SOBP: variants seen among roughly 807,000 people sequenced by gnomAD.
SOBP encodes sine oculis binding protein homolog.
A neutral mutation model predicts 53.6 loss-of-function variants in SOBP; 4 were observed. That is an observed-to-expected ratio of 0.07 (90% CI 0.04 to 0.17). SOBP has a LOEUF of 0.17. Among genes scored for constraint, SOBP ranks in the 10% least tolerant of loss-of-function variants. The probability of loss-of-function intolerance (pLI) is 1.00; values close to 1 mark genes in which losing one functional copy is unlikely to be tolerated. For synonymous variants in SOBP, 584 were observed against 522.6 expected (o/e 1.12, Z -1.60); for missense variants, 1,088 against 1,204.7 (o/e 0.90, Z 1.43).
At chr6:107,610,525 C>T (rs1786549922) in intron 5 of SOBP, among the ~76,000 whole-genome samples, 1 of 152,190 alleles carries the variant, frequency 6.6e-6, no homozygotes, top group African/African-American at 2.4e-5. Flanking sequence ...ACATGGCTAC[C>T]ATGCAAACCC....
At chr6:107,647,815 C>A (rs889307509) in intron 6 of SOBP, among the ~76,000 whole-genome samples, 7 of 151,982 alleles carry the variant, frequency 4.6e-5, no homozygotes, top group Non-Finnish European at 1.0e-4. Flanking sequence ...ATTTTTGCCA[C>A]CCACGGCATG....
chr6:107,524,351 A>G (rs1303611200), intron 3 of SOBP, among the ~76,000 whole-genome samples: 2 of 152,214 alleles, frequency 1.3e-5, no homozygotes, highest in African/African-American at 2.4e-5. Context: ...CAGCAAATCC[A>G]TGATTGCAGC....
At chr6:107,515,303 G>C (rs1156624235) in intron 3 of SOBP, among the ~76,000 whole-genome samples, 1 of 152,062 alleles carries the variant, frequency 6.6e-6, no homozygotes, top group Non-Finnish European at 1.5e-5. Context: ...AACAAACAAA[G>C]AAAAGAAGTT....
intron 4 of SOBP, among the ~76,000 whole-genome samples, chr6:107,548,730 A>C (rs985159534): frequency 1.3e-5 from 2 of 152,014 alleles, no homozygotes; most frequent in Middle Eastern, 3.4e-3. Flanking sequence ...TGAGGCCAGG[A>C]GTTCGTGACC....
At chr6:107,570,079 G>A (rs1344295570) in intron 4 of SOBP, among the ~76,000 whole-genome samples, 3 of 152,210 alleles carry the variant, frequency 2.0e-5, no homozygotes, top group Non-Finnish European at 4.4e-5. Context: ...TAACGGGACT[G>A]GTTAAATACT....
chr6:107,641,260 A>G (rs1771305076), intron 6 of SOBP, among the ~76,000 whole-genome samples: 1 of 152,238 alleles, frequency 6.6e-6, no homozygotes, highest in African/African-American at 2.4e-5. Flanking sequence ...ATCATGTAGC[A>G]CTTGCCTCAA....
chr6:107,649,286 A>C (rs1771698439), intron 6 of SOBP, among the ~76,000 whole-genome samples: 1 of 151,750 alleles, frequency 6.6e-6, no homozygotes, highest in African/African-American at 2.4e-5. Flanking sequence ...ATTTGAGACC[A>C]GTCTGGGCAA....
At chr6:107,490,784 G>C in intron 1 of SOBP, 72 bp downstream of exon 1, 1 of 1,173,678 alleles carries the variant, frequency 8.5e-7, no homozygotes, top group South Asian at 1.3e-5. Context: ...CCGTGGTATG[G>C]ATCTGGGGGG....
In SOBP at chr6:107,490,435, A is replaced by G. The variant is rs1182892680; in HGVS notation, c.-182A>G. 1 of 540,494 alleles carries G rather than the reference A, an allele frequency of 1.9e-6. No individual in the cohort carries two copies. The highest frequency in any genetic ancestry group is 3.1e-5 in the Admixed American group (1 of 32,082). The allele number at this position is 540,494 out of a possible 1,614,324, so 33.5% of individuals were successfully genotyped here. A position where few individuals can be genotyped will look rare whatever the true frequency, so the allele number is the denominator to read the frequency against. On this transcript the variant is annotated 5_prime_UTR_variant, in exon 1 of 7. An upstream open reading frame in the 5' UTR loses its in-frame stop. Coordinates refer to ENST00000317357, the MANE Select transcript of SOBP (RefSeq NM_018013.4). ...ACAGCCACTGACGTCCTCCGCCGCTAGAAGAGACCCCGCTTCTCGGCGCCT... is the reference window on the plus strand; with the variant it reads ...ACAGCCACTGACGTCCTCCGCCGCTGGAAGAGACCCCGCTTCTCGGCGCCT...
At chr6:107,543,232 G>A (rs34591503) in intron 4 of SOBP, among the ~76,000 whole-genome samples, 253 of 152,232 alleles carry the variant, frequency 1.7e-3, no homozygotes, top group Non-Finnish European at 3.1e-3. Flanking sequence ...TCACAGTCCC[G>A]TTTCTTTCCA....
chr6:107,582,169 G>A (rs1785423582), intron 4 of SOBP, among the ~76,000 whole-genome samples: 1 of 152,172 alleles, frequency 6.6e-6, no homozygotes, highest in Admixed American at 6.6e-5. Flanking sequence ...CTCTGGGGTA[G>A]GCAAGTGGAG....
chr6:107,610,777 T>C (rs912940797), intron 5 of SOBP, among the ~76,000 whole-genome samples: 10 of 146,310 alleles, frequency 6.8e-5, no homozygotes, highest in Non-Finnish European at 8.9e-5. Flanking sequence ...CATGTGTGTG[T>C]GCGCACGTGT....
At chr6:107,606,650 C>A (rs891656536) in intron 5 of SOBP, among the ~76,000 whole-genome samples, 4 of 152,160 alleles carry the variant, frequency 2.6e-5, no homozygotes, top group African/African-American at 9.7e-5. Context: ...ATTGTTTAAT[C>A]CCCGGAAGGA....
Position 107,635,402 on chromosome 6 carries a change from G to A in SOBP, c.2558G>A (p.Gly853Glu). 1 of 1,613,402 alleles carries A rather than the reference G, an allele frequency of 6.2e-7. No individual in the cohort carries two copies. The highest frequency in any genetic ancestry group is 8.5e-7 in the Non-Finnish European group (1 of 1,180,012). The change falls in exon 6 of 7, where the codon GGG becomes GAG. Residue 853 changes from glycine (G) to glutamate (E), a missense_variant. Gly to Glu is a moderately conservative substitution (Grantham distance 98). This residue lies in a region of SOBP where 665 missense variants were observed against 629.7 expected (regional missense o/e 1.06). Coordinates refer to ENST00000317357, the MANE Select transcript of SOBP (RefSeq NM_018013.4). The surrounding 1 kb of genome is among the most constrained non-coding windows in gnomAD (Gnocchi z 4.5). ...ATCTCCTCGCCCATGCTCAGCGCCG[G>A]GCCTGAGGACCTGGAGCCGCCGCTC... ...CIISSPMLSA[G>E]PEDLEPPLKR...
chr6:107,657,362 C>T (rs544167854), intron 6 of SOBP, among the ~76,000 whole-genome samples: 2 of 152,274 alleles, frequency 1.3e-5, no homozygotes, highest in Non-Finnish European at 2.9e-5. Flanking sequence ...GACCCCAAGG[C>T]TCTTGGTTGA....
At chr6:107,622,694 G>A (rs1770233336) in intron 5 of SOBP, among the ~76,000 whole-genome samples, 1 of 152,102 alleles carries the variant, frequency 6.6e-6, no homozygotes. Flanking sequence ...ATATCTAATA[G>A]GTAGGTAAAA....
chr6:107,517,584 G>C (rs954382379), intron 3 of SOBP, among the ~76,000 whole-genome samples: 3 of 152,174 alleles, frequency 2.0e-5, no homozygotes, highest in Admixed American at 2.0e-4. Context: ...GAATTTGGGG[G>C]ACACACAAAC....
At chr6:107,632,756 T>C (rs549455405) in intron 5 of SOBP, among the ~76,000 whole-genome samples, 1 of 152,266 alleles carries the variant, frequency 6.6e-6, no homozygotes, top group African/African-American at 2.4e-5. Context: ...AAGAGTAGAT[T>C]TGAAGGGGGG....
In SOBP at chr6:107,635,570, CGT is replaced by C; in HGVS notation, c.*3+108_*3+109del. 6.6e-7 allele frequency: 1 copy of C among 1,517,726 alleles called. No homozygotes were observed. Among genetic ancestry groups the C allele is most frequent in the African/African-American group, 1.4e-5 (1 of 73,242 alleles). The allele number at this position is 1,517,726 out of a possible 1,614,324, so 94.0% of individuals were successfully genotyped here. On this transcript the variant is annotated intron_variant, in intron 6 of 6. Transcript: ENST00000317357. This position sits in a 1 kb window ranked among gnomAD's most constrained non-coding sequence, Gnocchi z 4.5. ...GTTGTAATTATAGTCATGATTTTAC[CGT>C]GTGTGTTTTATATTGCACACGGTGT...
Sources: allele counts gnomAD v4.1 joint callset (sites outside exome capture counted in the v4.1 genomes callset), GRCh38; gene constraint gnomAD v4.1.1; regional missense constraint gnomAD v4.1.1; non-coding constraint Gnocchi (gnomAD v3.1); transcripts MANE v1.5; gene names NCBI Gene and HGNC (gene_info 2026-07-23, HGNC 2026-07-21).